Variants in DMD observed in about 807,000 individuals in gnomAD.
DMD encodes the protein dystrophin, also known as mutant dystrophin.
A neutral mutation model predicts 330.1 loss-of-function variants in DMD; 63 were observed. The ratio of observed to expected loss-of-function variants is 0.19; its 90% CI spans 0.16 to 0.24. The LOEUF is 0.24. Among genes scored for constraint, DMD ranks in the 10% least tolerant of loss-of-function variants. The pLI is 1.00. For missense variants in DMD, 3,344 were observed against 2,684.1 expected (o/e 1.25, Z -5.43); for synonymous variants, 1,223 against 959.8 (o/e 1.27, Z -5.07).
At chrX:31,409,546 A>C (rs1040602935) in intron 60 of DMD, among the ~76,000 whole-genome samples, 1 of 112,344 alleles carries the variant, frequency 8.9e-6, no homozygotes, top group African/African-American at 3.2e-5. Flanking sequence ...GAAAATGCTC[A>C]GTCAACTCTA....
chrX:32,105,597 G>A (rs2096560774), intron 44 of DMD, among the ~76,000 whole-genome samples: 1 of 111,588 alleles, frequency 9.0e-6, no homozygotes, highest in East Asian at 2.8e-4. Flanking sequence ...AAACAAAAAC[G>A]TGAGTTTAAT....
intron 7 of DMD, among the ~76,000 whole-genome samples, chrX:32,712,541 T>G (rs2065283546): frequency 8.9e-6 from 1 of 111,906 alleles, no homozygotes; most frequent in Non-Finnish European, 1.9e-5. Flanking sequence ...TGAACCCTCA[T>G]AATAAGAAGA....
intron 50 of DMD, among the ~76,000 whole-genome samples, chrX:31,817,707 T>TG (rs1341856915): frequency 9.0e-6 from 1 of 111,168 alleles, no homozygotes; most frequent in African/African-American, 3.3e-5. Flanking sequence ...ACAAGAGTGG[T>TG]GGGGGGTGAT....
intron 44 of DMD, among the ~76,000 whole-genome samples, chrX:32,040,640 G>T (rs147264529): frequency 0.033 from 3,711 of 111,385 alleles, 48 homozygotes; most frequent in Middle Eastern, 0.047. Flanking sequence ...CGAAGAGGGG[G>T]CCTGATGTGG....
At chrX:31,474,110 T>C (rs1364564664) in intron 59 of DMD, among the ~76,000 whole-genome samples, 1 of 111,942 alleles carries the variant, frequency 8.9e-6, no homozygotes, top group Admixed American at 9.5e-5. Context: ...TAGTGAGCAA[T>C]ATAGTCAATA....
At chrX:33,263,886 T>C (rs1252332859) in intron 1 of DMD, among the ~76,000 whole-genome samples, 2 of 111,103 alleles carry the variant, frequency 1.8e-5, no homozygotes, top group African/African-American at 6.5e-5. Context: ...TTTAAAATTA[T>C]TTATCTAATT....
At chrX:31,653,345 G>A (rs2080573468) in intron 54 of DMD, among the ~76,000 whole-genome samples, 1 of 111,735 alleles carries the variant, frequency 8.9e-6, no homozygotes, top group Non-Finnish European at 1.9e-5. Flanking sequence ...GCATGCATAT[G>A]CATATACACG....
At chrX:32,065,660 G>A (rs1014992807) in intron 44 of DMD, among the ~76,000 whole-genome samples, 3 of 111,932 alleles carry the variant, frequency 2.7e-5, no homozygotes, top group African/African-American at 9.7e-5. Flanking sequence ...ATTTTGGACT[G>A]TACAGAAGTA....
intron 13 of DMD, among the ~76,000 whole-genome samples, chrX:32,577,832 T>C (rs149159769): frequency 0.015 from 1,634 of 112,581 alleles, 26 homozygotes; most frequent in Non-Finnish European, 0.023. Context: ...TTTCCACTGA[T>C]CTCAGTGTAA....
At chrX:32,569,585 G>A (rs970546429) in intron 15 of DMD, among the ~76,000 whole-genome samples, 2 of 111,290 alleles carry the variant, frequency 1.8e-5, no homozygotes, top group African/African-American at 3.3e-5. Context: ...GCTGCCGGTC[G>A]GGGGAACACA....
chrX:31,239,385 A>G (rs2048034994), intron 63 of DMD, among the ~76,000 whole-genome samples: 1 of 112,272 alleles, frequency 8.9e-6, no homozygotes, highest in Non-Finnish European at 1.9e-5. Flanking sequence ...CCTTAGAAAT[A>G]GAATCTCTAA....
At chrX:31,749,995 G>GT (rs1201506448) in intron 51 of DMD, among the ~76,000 whole-genome samples, 1 of 108,876 alleles carries the variant, frequency 9.2e-6, no homozygotes, top group Admixed American at 9.8e-5. Context: ...GGGGTTGTTT[G>GT]TTTTTTTCTT....
chrX:33,039,742 G>A (rs2094267338), intron 1 of DMD, among the ~76,000 whole-genome samples: 1 of 111,328 alleles, frequency 9.0e-6, no homozygotes, highest in Non-Finnish European at 1.9e-5. Flanking sequence ...CATGTCGAAT[G>A]TGGATATCCC....
intron 15 of DMD, among the ~76,000 whole-genome samples, chrX:32,573,236 C>G (rs948651079): frequency 8.9e-6 from 1 of 111,895 alleles, no homozygotes; most frequent in African/African-American, 3.2e-5. Flanking sequence ...CTGCTTAGAA[C>G]TTTATGAAAG....
intron 45 of DMD, among the ~76,000 whole-genome samples, chrX:31,933,088 A>T (rs1489591975): frequency 2.7e-5 from 3 of 112,240 alleles, no homozygotes; most frequent in Non-Finnish European, 5.6e-5. Flanking sequence ...TAAAGTAAGT[A>T]TATAACCTAA....
chrX:31,873,408 C>T (rs990369137), intron 48 of DMD, among the ~76,000 whole-genome samples: 3 of 111,844 alleles, frequency 2.7e-5, no homozygotes, highest in Admixed American at 9.5e-5. Context: ...CCCATCTTCC[C>T]GAAACTTTTA....
At chrX:32,886,965 T>C (rs1331614721) in intron 2 of DMD, among the ~76,000 whole-genome samples, 1 of 111,598 alleles carries the variant, frequency 9.0e-6, no homozygotes, top group Non-Finnish European at 1.9e-5. Flanking sequence ...CCCAATGAAA[T>C]ATGCCAAAAT....
At chrX:31,881,162 C>T (rs1026609571) in intron 47 of DMD, among the ~76,000 whole-genome samples, 3 of 111,032 alleles carry the variant, frequency 2.7e-5, no homozygotes, top group African/African-American at 9.8e-5. Context: ...TCAACGTGTT[C>T]ATGTTTTAAG....
intron 7 of DMD, among the ~76,000 whole-genome samples, chrX:32,781,321 G>C (rs1000774436): frequency 9.0e-6 from 1 of 110,584 alleles, no homozygotes; most frequent in South Asian, 3.9e-4. Context: ...ATTTTTTGAA[G>C]GTTAGGAATT....
Sources: allele counts gnomAD v4.1 joint callset (sites outside exome capture counted in the v4.1 genomes callset), GRCh38; gene constraint gnomAD v4.1.1; transcripts MANE v1.5; gene names NCBI Gene and HGNC (gene_info 2026-07-23, HGNC 2026-07-21).